Variants in BMP6 observed in about 807,000 individuals in gnomAD.
The protein encoded by BMP6 is VG-1-R.
A neutral mutation model predicts 54.1 loss-of-function variants in BMP6; 17 were observed. That is an observed-to-expected ratio of 0.31 (90% CI 0.22 to 0.47). The LOEUF (loss-of-function observed/expected upper bound fraction) is 0.47. BMP6 is among the 20% of genes least tolerant of loss of function. The probability of loss-of-function intolerance (pLI) is 1.00; values close to 1 mark genes in which losing one functional copy is unlikely to be tolerated. For synonymous variants in BMP6, 328 were observed against 291.2 expected (o/e 1.13, Z -1.28); for missense variants, 720 against 690.4 (o/e 1.04, Z -0.48).
intron 1 of BMP6, among the ~76,000 whole-genome samples, chr6:7,752,891 G>A (rs998434118): frequency 6.6e-6 from 1 of 152,080 alleles, no homozygotes; most frequent in African/African-American, 2.4e-5. Flanking sequence ...CTGTGGTAGT[G>A]CCAGCTTATT....
At chr6:7,844,027 C>T (rs1330878980) in intron 1 of BMP6, among the ~76,000 whole-genome samples, 1 of 152,138 alleles carries the variant, frequency 6.6e-6, no homozygotes, top group Non-Finnish European at 1.5e-5. Context: ...CACAGAGACA[C>T]GGCTTTATTT....
At chr6:7,808,419 A>C (rs892020432) in intron 1 of BMP6, among the ~76,000 whole-genome samples, 8 of 152,202 alleles carry the variant, frequency 5.3e-5, no homozygotes, top group African/African-American at 1.9e-4. Flanking sequence ...GGGGGCGATC[A>C]TTGCAAACTT....
chr6:7,756,750 C>T (rs1757520712), intron 1 of BMP6, among the ~76,000 whole-genome samples: 1 of 152,204 alleles, frequency 6.6e-6, no homozygotes, highest in Admixed American at 6.5e-5. Context: ...TGGATTCAGA[C>T]AGGCCTTTAT....
intron 4 of BMP6, among the ~76,000 whole-genome samples, chr6:7,867,664 G>A (rs1759446690): frequency 6.6e-6 from 1 of 152,230 alleles, no homozygotes; most frequent in Non-Finnish European, 1.5e-5. Context: ...AGGGCCTGCA[G>A]CTTGGCTTGC....
chr6:7,869,255 C>A (rs1759481535), intron 4 of BMP6, among the ~76,000 whole-genome samples: 1 of 152,268 alleles, frequency 6.6e-6, no homozygotes, highest in African/African-American at 2.4e-5. Flanking sequence ...CCTCTCCTGG[C>A]CTCCAGTGCC....
intron 1 of BMP6, among the ~76,000 whole-genome samples, chr6:7,822,373 G>T (rs904032373): frequency 2.6e-5 from 4 of 152,070 alleles, no homozygotes; most frequent in African/African-American, 9.7e-5. Flanking sequence ...GCAGAGACGG[G>T]GTGCATTTCT....
At chr6:7,856,501 A>G (rs1311029653) in intron 2 of BMP6, among the ~76,000 whole-genome samples, 2 of 151,712 alleles carry the variant, frequency 1.3e-5, no homozygotes, top group African/African-American at 4.8e-5. Context: ...GGAATGTGTT[A>G]TGGAGAAATA....
intron 1 of BMP6, among the ~76,000 whole-genome samples, chr6:7,806,766 A>G (rs1201479742): frequency 2.0e-5 from 3 of 152,210 alleles, no homozygotes; most frequent in African/African-American, 4.8e-5. Context: ...TCCACTTAAA[A>G]TAGCTTATCT....
intron 1 of BMP6, among the ~76,000 whole-genome samples, chr6:7,728,961 GC>G (rs1285096492): frequency 6.6e-6 from 1 of 152,224 alleles, no homozygotes; most frequent in Admixed American, 6.5e-5. Context: ...GGGGGTAAGA[GC>G]CAAGGGAGGG....
chr6:7,774,105 C>T (rs1379789874), intron 1 of BMP6, among the ~76,000 whole-genome samples: 1 of 152,132 alleles, frequency 6.6e-6, no homozygotes, highest in African/African-American at 2.4e-5. Context: ...CTTCACGAAA[C>T]GGGTCTTAGA....
At chr6:7,859,670 A>AC (rs56302090) in intron 2 of BMP6, among the ~76,000 whole-genome samples, 21 of 148,194 alleles carry the variant, frequency 1.4e-4, no homozygotes, top group Admixed American at 6.7e-5. Context: ...TTCCATGGAC[A>AC]CCCCCCGCAC....
At chr6:7,807,273 C>T (rs371944281) in intron 1 of BMP6, among the ~76,000 whole-genome samples, 6 of 152,028 alleles carry the variant, frequency 3.9e-5, no homozygotes, top group South Asian at 2.1e-4. Flanking sequence ...CCTGGGACCT[C>T]GTTGTTTTTT....
chr6:7,758,603 A>G (rs1757561583), intron 1 of BMP6, among the ~76,000 whole-genome samples: 1 of 152,172 alleles, frequency 6.6e-6, no homozygotes, highest in Non-Finnish European at 1.5e-5. Flanking sequence ...GTTAATTTTG[A>G]CTTCTTTTGA....
At position 7,880,526 on chromosome 6, in the gene BMP6, G is replaced by A. The variant is rs1220912837; in HGVS notation, c.*183G>A. 2.5e-6 allele frequency: 2 copies of A among 785,340 alleles called. No homozygotes were observed. The highest frequency in any genetic ancestry group is 4.0e-6 in the Non-Finnish European group (2 of 501,554). 48.6% of individuals were successfully genotyped at this position (785,340 alleles called of 1,614,324 possible). A position where few individuals can be genotyped will look rare whatever the true frequency, so the allele number is the denominator to read the frequency against. On this transcript the variant is annotated 3_prime_UTR_variant, in exon 7 of 7. Coordinates refer to ENST00000283147, the MANE Select transcript of BMP6 (RefSeq NM_001718.6). ...TTAATAATTTGCTCACTTGGTAAAT[G>A]ACGTGAGTAGTTGTTGGTCTGTAGC...
chr6:7,790,934 C>T (rs936577471), intron 1 of BMP6, among the ~76,000 whole-genome samples: 9 of 152,172 alleles, frequency 5.9e-5, no homozygotes, highest in Non-Finnish European at 1.2e-4. Flanking sequence ...TCGAGTCCAC[C>T]CTTTCTGTAG....
rs9502651 is a variant in BMP6, at chr6:7,817,359, C to G, written c.665-27781C>G. Among the ~76,000 whole-genome samples the G allele has an allele frequency of 8.5e-3, 1,299 of 152,076 alleles. 17 individuals are homozygous for G. Among genetic ancestry groups the G allele is most frequent in the African/African-American group, 0.029 (1,207 of 41,460 alleles). ...ATTATATATTAAGGTCAAAAACTGC[C>G]TGATGCACATATACACCATGGAATA... On this transcript the variant is annotated intron_variant, in intron 1 of 6. Transcript: ENST00000283147.
At chr6:7,742,246 C>T (rs1489023686) in intron 1 of BMP6, among the ~76,000 whole-genome samples, 1 of 152,212 alleles carries the variant, frequency 6.6e-6, no homozygotes, top group Non-Finnish European at 1.5e-5. Context: ...TATTTTCCTT[C>T]TATCTGATGT....
intron 1 of BMP6, among the ~76,000 whole-genome samples, chr6:7,737,914 G>A (rs992066674): frequency 2.0e-5 from 3 of 152,060 alleles, no homozygotes; most frequent in African/African-American, 7.2e-5. Flanking sequence ...ATATCCAGGA[G>A]GCTTGAATTT....
intron 4 of BMP6, among the ~76,000 whole-genome samples, chr6:7,869,058 G>A (rs544430151): frequency 2.0e-5 from 3 of 152,340 alleles, no homozygotes; most frequent in East Asian, 1.9e-4. Context: ...TCTGGCTGCC[G>A]TGACTCAGGC....
Sources: allele counts gnomAD v4.1 joint callset (sites outside exome capture counted in the v4.1 genomes callset), GRCh38; gene constraint gnomAD v4.1.1; transcripts MANE v1.5; gene names NCBI Gene and HGNC (gene_info 2026-07-23, HGNC 2026-07-21).